The following OPCML variants were observed in gnomAD, a reference collection of about 807,000 sequenced individuals.
The protein encoded by OPCML is opioid-binding protein/cell adhesion molecule.
Under a neutral mutation model 37.8 loss-of-function variants are expected in OPCML, and 13 were observed. That is an observed-to-expected ratio of 0.34 (90% CI 0.22 to 0.55). The LOEUF is 0.55. Among genes scored for constraint, OPCML ranks in the 20% least tolerant of loss-of-function variants. The probability of loss-of-function intolerance (pLI) is 0.91; values close to 1 mark genes in which losing one functional copy is unlikely to be tolerated. For synonymous variants in OPCML, 176 were observed against 168.8 expected, an observed-to-expected ratio of 1.04 and a Z score of -0.33; for missense variants, 341 against 435.6, an observed-to-expected ratio of 0.78 and a Z score of 1.93.
At chr11:132,823,916 T>C (rs972482978) in intron 2 of OPCML, among the ~76,000 whole-genome samples, 4 of 152,134 alleles carry the variant, frequency 2.6e-5, no homozygotes, top group African/African-American at 9.7e-5. Flanking sequence ...ACATGCACTC[T>C]CTTGTTCTGC....
chr11:132,817,669 G>C (rs1306181906), intron 2 of OPCML, among the ~76,000 whole-genome samples: 1 of 151,954 alleles, frequency 6.6e-6, no homozygotes, highest in Non-Finnish European at 1.5e-5. Flanking sequence ...TTACCAGGAG[G>C]GCTTTGAATT....
chr11:133,358,446 C>T (rs2136709670), intron 1 of OPCML, among the ~76,000 whole-genome samples: 1 of 152,310 alleles, frequency 6.6e-6, no homozygotes, highest in Non-Finnish European at 1.5e-5. Flanking sequence ...CATGCCTGTG[C>T]TATTGGACAA....
intron 2 of OPCML, among the ~76,000 whole-genome samples, chr11:132,677,747 T>C (rs1006767002): frequency 6.6e-6 from 1 of 152,134 alleles, no homozygotes; most frequent in Non-Finnish European, 1.5e-5. Context: ...CTTACACTTG[T>C]TTAAAAAATT....
chr11:133,330,742 G>A (rs866744251), intron 1 of OPCML, among the ~76,000 whole-genome samples: 11 of 151,814 alleles, frequency 7.2e-5, no homozygotes, highest in Non-Finnish European at 1.3e-4. Flanking sequence ...GCTAAATGAC[G>A]AGTTAATGGG....
At chr11:132,510,666 C>T (rs916395640) in intron 4 of OPCML, among the ~76,000 whole-genome samples, 10 of 152,124 alleles carry the variant, frequency 6.6e-5, no homozygotes, top group African/African-American at 2.4e-4. Context: ...TAAGAAATAC[C>T]TTTTGCCTCT....
intron 1 of OPCML, among the ~76,000 whole-genome samples, chr11:133,204,223 A>C (rs1938935492): frequency 6.6e-6 from 1 of 152,194 alleles, no homozygotes; most frequent in South Asian, 2.1e-4. Flanking sequence ...TTGTTATCTG[A>C]ATGTCAAATT....
intron 4 of OPCML, among the ~76,000 whole-genome samples, chr11:132,441,165 G>GTTTTTTTTTTGTTTTTTT (rs2096031953): frequency 1.1e-4 from 8 of 72,402 alleles, no homozygotes; most frequent in African/African-American, 8.7e-4. Flanking sequence ...GGACTTTTTT[G>GTTTTTTTTTTGTTTTTTT]TTTTTTTTTT....
chr11:133,105,377 T>C (rs898035925), intron 1 of OPCML, among the ~76,000 whole-genome samples: 17 of 152,130 alleles, frequency 1.1e-4, no homozygotes, highest in African/African-American at 3.9e-4. Context: ...AAAAAAAAGA[T>C]TTTCTAGGTT....
rs1220089382 is a variant in OPCML, at chr11:133,076,809, A to ACCT, written c.62-133802_62-133800dup. ...GGTGATGGAGCAGCGTGAAACATGC[A>ACCT]CCTCCTGACCCCACTAGGAATCTTC... On this transcript the variant is annotated intron_variant, in intron 1 of 7. Coordinates refer to ENST00000524381, the MANE Select transcript of OPCML (RefSeq NM_001012393.5). 3.9e-5 allele frequency among the ~76,000 whole-genome samples: 6 copies of ACCT among 152,096 alleles called. No homozygotes were observed. The East Asian group carries it at 9.7e-4, about 25-fold the overall frequency.
intron 1 of OPCML, among the ~76,000 whole-genome samples, chr11:133,270,822 A>G (rs1344414688): frequency 6.6e-6 from 1 of 152,172 alleles, no homozygotes; most frequent in Non-Finnish European, 1.5e-5. Flanking sequence ...GACAGTGAAA[A>G]GGACACTCTG....
chr11:133,490,192 A>G (rs1253624543), intron 1 of OPCML, among the ~76,000 whole-genome samples: 1 of 152,180 alleles, frequency 6.6e-6, no homozygotes, highest in Admixed American at 6.5e-5. Flanking sequence ...ATGCAAGAGA[A>G]AAGTTCTGAG....
At chr11:133,134,913 G>T (rs559384153) in intron 1 of OPCML, among the ~76,000 whole-genome samples, 8 of 152,166 alleles carry the variant, frequency 5.3e-5, no homozygotes, top group Non-Finnish European at 1.2e-4. Context: ...GTATTTTCTG[G>T]AGTATTTTTT....
chr11:133,262,676 T>C (rs755938510), intron 1 of OPCML, among the ~76,000 whole-genome samples: 12 of 152,296 alleles, frequency 7.9e-5, no homozygotes, highest in African/African-American at 1.2e-4. Context: ...TCGTGTGGCT[T>C]CCTATCCAGG....
intron 4 of OPCML, among the ~76,000 whole-genome samples, chr11:132,518,188 C>T (rs966004342): frequency 6.6e-5 from 10 of 152,146 alleles, no homozygotes; most frequent in South Asian, 2.1e-4. Context: ...TTTTAAGACC[C>T]GCATGCATTA....
chr11:132,585,426 G>A (rs909146039), intron 3 of OPCML, among the ~76,000 whole-genome samples: 1 of 151,950 alleles, frequency 6.6e-6, no homozygotes, highest in Admixed American at 6.6e-5. Context: ...GGTCTCTTTT[G>A]GGATTTATCT....
intron 3 of OPCML, among the ~76,000 whole-genome samples, chr11:132,608,563 A>T (rs1938446418): frequency 6.6e-6 from 1 of 152,184 alleles, no homozygotes; most frequent in Admixed American, 6.5e-5. Flanking sequence ...TTTGCTGAAG[A>T]TGCTGGGCAA....
chr11:132,747,634 C>T (rs932699872), intron 2 of OPCML, among the ~76,000 whole-genome samples: 8 of 152,164 alleles, frequency 5.3e-5, no homozygotes, highest in African/African-American at 7.2e-5. Flanking sequence ...TCAGACACTG[C>T]GATTGACTGC....
At chr11:133,234,272 A>C (rs182134041) in intron 1 of OPCML, among the ~76,000 whole-genome samples, 437 of 152,330 alleles carry the variant, frequency 2.9e-3, no homozygotes, top group African/African-American at 8.3e-3. Flanking sequence ...ACAAAAAAAA[A>C]ACACAGTTTT....
intron 1 of OPCML, among the ~76,000 whole-genome samples, chr11:133,140,445 G>A (rs1185256663): frequency 6.7e-6 from 1 of 148,372 alleles, no homozygotes; most frequent in Non-Finnish European, 1.5e-5. Flanking sequence ...AATCTGGGAG[G>A]CAGAGGTTGC....
Sources: allele counts gnomAD v4.1 joint callset (sites outside exome capture counted in the v4.1 genomes callset), GRCh38; gene constraint gnomAD v4.1.1; transcripts MANE v1.5; gene names NCBI Gene and HGNC (gene_info 2026-07-23, HGNC 2026-07-21).